The following HTR1F variants were observed in gnomAD, a reference collection of about 807,000 sequenced individuals.
HTR1F encodes 5-hydroxytryptamine receptor 1F, also known as 5-hydroxytryptamine (serotonin) receptor 1F, G protein-coupled.
In HTR1F, 17 loss-of-function variants were observed where a neutral mutation model predicts 24.0. The ratio of observed to expected loss-of-function variants is 0.71; its 90% CI spans 0.48 to 1.06. The LOEUF (loss-of-function observed/expected upper bound fraction) is 1.06, where lower values mean the gene tolerates loss of function less well. HTR1F is among the 50% of genes least tolerant of loss of function. HTR1F has a pLI of 0.00. For synonymous variants in HTR1F, 186 were observed against 156.8 expected (o/e 1.19, Z -1.39); for missense variants, 391 against 427.8 (o/e 0.91, Z 0.76).
chr3:87,909,502 A>C (rs1703731333), intron 2 of HTR1F, among the ~76,000 whole-genome samples: 3 of 152,084 alleles, frequency 2.0e-5, no homozygotes, highest in Admixed American at 2.0e-4. Flanking sequence ...ACAGTGCATC[A>C]AATCAGTTTC....
intron 2 of HTR1F, among the ~76,000 whole-genome samples, chr3:87,957,004 T>A (rs1253928789): frequency 6.6e-6 from 1 of 151,344 alleles, no homozygotes; most frequent in Non-Finnish European, 1.5e-5. Context: ...TGAATAGAAA[T>A]GGTAAAAGTA....
At chr3:87,804,579 A>G (rs1428630969) in intron 1 of HTR1F, among the ~76,000 whole-genome samples, 1 of 152,062 alleles carries the variant, frequency 6.6e-6, no homozygotes, top group Non-Finnish European at 1.5e-5. Context: ...AGAAATTTGA[A>G]TATCAGTATT....
In HTR1F at chr3:87,992,495, TTAATG is replaced by T. The variant is rs1022086216; in HGVS notation, c.*648_*652del. On this transcript the variant is annotated 3_prime_UTR_variant, in exon 3 of 3. Transcript: ENST00000319595. ...AATTCAATACTGAACTTGTGCATAT[TTAATG>T]TATTATGTTTGATATAAACTTCTAG... 1.2e-5 allele frequency: 2 copies of T among 167,024 alleles called. No individual in the cohort carries two copies. The highest frequency in any genetic ancestry group is 1.3e-4 in the Admixed American group (2 of 15,280). 10.3% of individuals were successfully genotyped at this position (167,024 alleles called of 1,614,324 possible). A position where few individuals can be genotyped will look rare whatever the true frequency, so the allele number is the denominator to read the frequency against.
intron 2 of HTR1F, among the ~76,000 whole-genome samples, chr3:87,981,073 T>G (rs1705532268): frequency 6.6e-6 from 1 of 152,310 alleles, no homozygotes; most frequent in South Asian, 2.1e-4. Context: ...GCCAGCTCCC[T>G]GAAGTGCACA....
chr3:87,917,115 T>C (rs112758977), intron 2 of HTR1F, among the ~76,000 whole-genome samples: 4,903 of 152,042 alleles, frequency 0.032, 243 homozygotes, highest in African/African-American at 0.11. Context: ...TTAATGATCA[T>C]TGAGTTAAAA....
chr3:87,937,731 G>A lies in HTR1F; in HGVS notation c.-42-52977G>A, dbSNP rs374997023. On this transcript the variant is annotated intron_variant, in intron 2 of 2. Coordinates refer to ENST00000319595, the MANE Select transcript of HTR1F (RefSeq NM_001322209.2). ...AAGGTCAGGAGATCAAGACCATCCT[G>A]GCTAACACAGTGAAACCCCGTCTCT... 1.9e-3 allele frequency among the ~76,000 whole-genome samples: 288 copies of A among 152,140 alleles called. 3 individuals are homozygous for A. Among genetic ancestry groups the A allele is most frequent in the South Asian group, 0.016 (75 of 4,818 alleles).
intron 2 of HTR1F, among the ~76,000 whole-genome samples, chr3:87,891,595 C>A (rs1378773204): frequency 6.6e-6 from 1 of 152,166 alleles, no homozygotes; most frequent in Non-Finnish European, 1.5e-5. Flanking sequence ...GATTCAGTAT[C>A]CCCTAACTCA....
At chr3:87,958,293 G>T (rs1704987452) in intron 2 of HTR1F, among the ~76,000 whole-genome samples, 2 of 151,388 alleles carry the variant, frequency 1.3e-5, no homozygotes, top group African/African-American at 4.8e-5. Context: ...TTGGGTGGTT[G>T]TTTTTTGTTT....
intron 2 of HTR1F, among the ~76,000 whole-genome samples, chr3:87,961,642 A>G (rs1436826535): frequency 6.6e-6 from 1 of 152,026 alleles, no homozygotes; most frequent in East Asian, 1.9e-4. Context: ...AATTTTTTTG[A>G]ACTTTAATGT....
chr3:87,877,769 T>C (rs1460241407), intron 2 of HTR1F, among the ~76,000 whole-genome samples: 1 of 152,148 alleles, frequency 6.6e-6, no homozygotes, highest in African/African-American at 2.4e-5. Context: ...TGAGCTCAAA[T>C]GTGTAAAGCA....
intron 1 of HTR1F, among the ~76,000 whole-genome samples, chr3:87,817,525 G>A (rs1351823627): frequency 2.6e-5 from 4 of 152,126 alleles, no homozygotes; most frequent in African/African-American, 9.7e-5. Context: ...ATGCATTTTA[G>A]CTAGCAAAAC....
At chr3:87,988,277 T>C (rs1576126655) in intron 2 of HTR1F, among the ~76,000 whole-genome samples, 2 of 151,682 alleles carry the variant, frequency 1.3e-5, no homozygotes, top group Admixed American at 1.3e-4. Context: ...GGAGTTGCCT[T>C]AGTTGCCCTT....
intron 2 of HTR1F, among the ~76,000 whole-genome samples, chr3:87,909,578 G>A (rs535842298): frequency 2.0e-5 from 3 of 152,046 alleles, no homozygotes; most frequent in African/African-American, 7.2e-5. Context: ...GGGGCTTCGA[G>A]ATACAAAATC....
At chr3:87,978,299 C>T (rs1295285907) in intron 2 of HTR1F, among the ~76,000 whole-genome samples, 1 of 152,216 alleles carries the variant, frequency 6.6e-6, no homozygotes. Flanking sequence ...TTCTTTCCTT[C>T]TCATCACCCA....
intron 2 of HTR1F, among the ~76,000 whole-genome samples, chr3:87,937,108 G>A (rs1704442155): frequency 6.9e-6 from 1 of 145,912 alleles, no homozygotes; most frequent in Non-Finnish European, 1.5e-5. Context: ...AAAGAGGACG[G>A]ACTCCTCCCC....
chr3:87,988,373 G>T (rs532811965), intron 2 of HTR1F, among the ~76,000 whole-genome samples: 27 of 151,528 alleles, frequency 1.8e-4, no homozygotes, highest in Admixed American at 1.5e-3. Context: ...CTCTTTTTCA[G>T]GTATTCAAAT....
intron 2 of HTR1F, among the ~76,000 whole-genome samples, chr3:87,920,029 T>TTATATATATATATA (rs74326472): frequency 0.021 from 2,979 of 141,780 alleles, 48 homozygotes; most frequent in African/African-American, 0.025. Flanking sequence ...ATATGTAATA[T>TTATATATATATATA]TATATATATA....
intron 2 of HTR1F, among the ~76,000 whole-genome samples, chr3:87,990,187 C>T (rs189818512): frequency 1.6e-4 from 25 of 152,170 alleles, no homozygotes; most frequent in African/African-American, 5.8e-4. Flanking sequence ...TTAAGAATTC[C>T]TTTGTTATTT....
Position 87,846,466 on chromosome 3 carries a change from G to A in HTR1F, c.-43+24342G>A, listed in dbSNP as rs185106686. Among the ~76,000 whole-genome samples, 341 of 151,676 alleles carry A rather than the reference G, an allele frequency of 2.2e-3. 5 individuals carry two copies. Among genetic ancestry groups the A allele is most frequent in the African/African-American group, 7.9e-3 (327 of 41,192 alleles). The stretch of plus-strand genomic sequence containing the variant: ...AAAAAATATATTATGAACACAAAGC[G>A]GATAACTGAAATAGAATACCAACTT... On this transcript the variant is annotated intron_variant, in intron 2 of 2. Coordinates refer to ENST00000319595, the MANE Select transcript of HTR1F (RefSeq NM_001322209.2).
Sources: allele counts gnomAD v4.1 joint callset (sites outside exome capture counted in the v4.1 genomes callset), GRCh38; gene constraint gnomAD v4.1.1; transcripts MANE v1.5; gene names NCBI Gene and HGNC (gene_info 2026-07-23, HGNC 2026-07-21).